Variants in BMPR2 observed in about 807,000 individuals in gnomAD.
The protein encoded by BMPR2 is bone morphogenetic protein receptor type-2.
A neutral mutation model predicts 100.8 loss-of-function variants in BMPR2; 29 were observed. The observed-to-expected ratio is 0.29, with a 90% CI of 0.21 to 0.39. The LOEUF (loss-of-function observed/expected upper bound fraction) is 0.39, where lower values mean the gene tolerates loss of function less well. Ranked by LOEUF, BMPR2 falls within the 10% of genes least tolerant of loss-of-function variation. BMPR2 has a pLI of 1.00. For missense variants in BMPR2, 1,011 were observed against 1,274.5 expected, an observed-to-expected ratio of 0.79 and a Z score of 3.15; for synonymous variants, 382 against 442.3, an observed-to-expected ratio of 0.86 and a Z score of 1.71.
Position 202,504,971 on chromosome 2 carries a change from G to A in BMPR2, c.419-8748G>A, listed in dbSNP as rs114744132. On this transcript the variant is annotated intron_variant, in intron 3 of 12. Transcript: ENST00000374580. ...TGGGATTACAGGCGTGAGCCACCAT[G>A]CCTGACCCATCATAGTAGATTCTTA... The A allele has an allele frequency of 2.3e-3, 354 of 156,020 alleles. 1 individual carries two copies. The highest frequency in any genetic ancestry group is 8.0e-3 in the African/African-American group (333 of 41,590). 9.7% of individuals were successfully genotyped at this position (156,020 alleles called of 1,614,324 possible).
At chr2:202,504,165 G>C (rs1242393916) in intron 3 of BMPR2, among the ~76,000 whole-genome samples, 1 of 152,174 alleles carries the variant, frequency 6.6e-6, no homozygotes, top group Non-Finnish European at 1.5e-5. Context: ...GGTGGGGCCA[G>C]ATAAGAGAAT....
chr2:202,476,694 C>G (rs1692558663), intron 3 of BMPR2, among the ~76,000 whole-genome samples: 1 of 151,980 alleles, frequency 6.6e-6, no homozygotes, highest in Non-Finnish European at 1.5e-5. Context: ...GAGGCTGAGG[C>G]AGGAGAATTG....
At chr2:202,494,401 C>G (rs549839652) in intron 3 of BMPR2, among the ~76,000 whole-genome samples, 9 of 152,220 alleles carry the variant, frequency 5.9e-5, no homozygotes, top group Admixed American at 5.2e-4. Context: ...TTCTTTGACA[C>G]AGACCCAGAC....
intron 7 of BMPR2, among the ~76,000 whole-genome samples, chr2:202,522,782 A>G (rs1687841289): frequency 6.6e-6 from 1 of 151,780 alleles, no homozygotes; most frequent in Non-Finnish European, 1.5e-5. Flanking sequence ...ATGAGCTATG[A>G]TCATGCCACT....
chr2:202,417,027 G>A (rs1244285937), intron 1 of BMPR2, among the ~76,000 whole-genome samples: 2 of 150,820 alleles, frequency 1.3e-5, no homozygotes, highest in Non-Finnish European at 3.0e-5. Flanking sequence ...TAGTAGAGAC[G>A]GGATTTCACT....
Position 202,464,837 on chromosome 2 carries a change from G to A in BMPR2, c.105G>A (p.Ala35=), listed in dbSNP as rs746943205. The part of the protein sequence containing the change: ...AASQNQERLC[A]FKDPYQQDLG... ...CGCAGAATCAAGAACGGCTATGTGC[G>A]TTTAAAGATCCGTATCAGCAAGACC... is the stretch of plus-strand genomic sequence containing the variant. The change falls in exon 2 of 13, where the codon GCG becomes GCA. Residue 35 remains alanine, a synonymous_variant. Transcript: ENST00000374580. 10 of 1,613,562 alleles carry A rather than the reference G, an allele frequency of 6.2e-6. No homozygotes were observed. The highest frequency in any genetic ancestry group is 1.6e-4 in the Middle Eastern group (1 of 6,062).
chr2:202,397,388 T>C (rs1040816485), intron 1 of BMPR2, among the ~76,000 whole-genome samples: 1 of 152,194 alleles, frequency 6.6e-6, no homozygotes, highest in Non-Finnish European at 1.5e-5. Context: ...TAGAACTTGA[T>C]CTATAGTCTC....
intron 3 of BMPR2, among the ~76,000 whole-genome samples, chr2:202,486,626 A>G (rs1312431312): frequency 2.0e-5 from 3 of 147,992 alleles, no homozygotes; most frequent in East Asian, 3.9e-4. Context: ...ACTGTCTCCA[A>G]AAAAAAAAAA....
chr2:202,461,107 G>C (rs537299454), intron 1 of BMPR2, among the ~76,000 whole-genome samples: 15 of 152,078 alleles, frequency 9.9e-5, no homozygotes, highest in Non-Finnish European at 2.1e-4. Flanking sequence ...GCCTCCCAAA[G>C]TGTTGGGATT....
chr2:202,534,612 G>A (rs1432160251), intron 9 of BMPR2, among the ~76,000 whole-genome samples: 3 of 152,212 alleles, frequency 2.0e-5, no homozygotes, highest in Admixed American at 2.0e-4. Flanking sequence ...CAAGGCAGAA[G>A]AAGTTTTCTT....
chr2:202,485,545 CTT>C (rs762096820), intron 3 of BMPR2, among the ~76,000 whole-genome samples: 19 of 64,010 alleles, frequency 3.0e-4, no homozygotes, highest in Non-Finnish European at 3.8e-4. Flanking sequence ...TTGCCTTTAT[CTT>C]TTTTTTTTTT....
At chr2:202,415,153 T>A (rs892751590) in intron 1 of BMPR2, among the ~76,000 whole-genome samples, 1 of 152,116 alleles carries the variant, frequency 6.6e-6, no homozygotes, top group African/African-American at 2.4e-5. Context: ...GTTGGAAGAA[T>A]ATACCATCTA....
intron 10 of BMPR2, among the ~76,000 whole-genome samples, chr2:202,547,085 G>A (rs2106035980): frequency 1.3e-5 from 2 of 152,060 alleles, no homozygotes; most frequent in South Asian, 2.1e-4. Flanking sequence ...ACAGTTTAAG[G>A]CTTTTGTTTT....
chr2:202,446,005 A>G (rs1691841802), intron 1 of BMPR2, among the ~76,000 whole-genome samples: 1 of 149,542 alleles, frequency 6.7e-6, no homozygotes, highest in Admixed American at 6.6e-5. Flanking sequence ...TGATCTCCCG[A>G]CCTCGTGATC....
At chr2:202,434,908 AATATATATATATAT>A (rs1553500439) in intron 1 of BMPR2, among the ~76,000 whole-genome samples, 5 of 38,414 alleles carry the variant, frequency 1.3e-4, no homozygotes, top group Admixed American at 4.9e-4. Flanking sequence ...AAAAAAAAAA[AATATATATATATAT>A]ATATATATAT....
In BMPR2 at chr2:202,431,842, G is replaced by C. The variant is rs947693486; in HGVS notation, c.77-32967G>C. 1.3e-5 allele frequency among the ~76,000 whole-genome samples: 2 copies of C among 150,624 alleles called. 1 individual carries two copies. Among genetic ancestry groups the C allele is most frequent in the African/African-American group, 5.0e-5 (2 of 40,030 alleles). On this transcript the variant is annotated intron_variant, in intron 1 of 12. Coordinates refer to ENST00000374580, the MANE Select transcript of BMPR2 (RefSeq NM_001204.7). ...TCTCAGAACTTATTCCCATTGTTAA[G>C]CCACAATGACTGTTTTAAAATTCTA...
chr2:202,513,089 T>A (rs1314427746), intron 3 of BMPR2, among the ~76,000 whole-genome samples: 1 of 151,826 alleles, frequency 6.6e-6, no homozygotes, highest in African/African-American at 2.4e-5. Context: ...CATAGCCCCC[T>A]GAGTAGCTGG....
chr2:202,531,460 G>T (rs1490419523), intron 8 of BMPR2, among the ~76,000 whole-genome samples: 1 of 152,158 alleles, frequency 6.6e-6, no homozygotes, highest in Non-Finnish European at 1.5e-5. Flanking sequence ...GAACAAATTT[G>T]TAGGAACTGA....
At chr2:202,508,738 A>G (rs1005835985) in intron 3 of BMPR2, among the ~76,000 whole-genome samples, 20 of 152,360 alleles carry the variant, frequency 1.3e-4, no homozygotes, top group Admixed American at 7.2e-4. Context: ...TTCTGTATAT[A>G]GTAGTAAGTT....
Sources: allele counts gnomAD v4.1 joint callset (sites outside exome capture counted in the v4.1 genomes callset), GRCh38; gene constraint gnomAD v4.1.1; transcripts MANE v1.5; gene names NCBI Gene and HGNC (gene_info 2026-07-23, HGNC 2026-07-21).